The following TPO variants were observed in gnomAD, a reference collection of about 807,000 sequenced individuals.
TPO encodes the protein thyroid peroxidase, also known as thyroid microsomal antigen.
Under a neutral mutation model 96.9 loss-of-function variants are expected in TPO, and 78 were observed. The ratio of observed to expected loss-of-function variants is 0.81; its 90% CI spans 0.67 to 0.97. TPO has a LOEUF of 0.97. TPO is among the 50% of genes least tolerant of loss of function. The probability of loss-of-function intolerance (pLI) is 0.00; values close to 1 mark genes in which losing one functional copy is unlikely to be tolerated. For synonymous variants in TPO, 547 were observed against 538.0 expected, an observed-to-expected ratio of 1.02 and a Z score of -0.23; for missense variants, 1,252 against 1,274.8, an observed-to-expected ratio of 0.98 and a Z score of 0.27.
intron 2 of TPO, among the ~76,000 whole-genome samples, chr2:1,422,344 C>A (rs80060294): frequency 0.25 from 17,223 of 68,594 alleles, 1,552 homozygotes; most frequent in Admixed American, 0.34. Flanking sequence ...TCTCCTGGAC[C>A]GACCTCGTGC....
Position 1,484,772 on chromosome 2 carries a change from C to T in TPO, c.1515C>T (p.Asp505=), listed in dbSNP as rs146768724. Reference sequence around the variant, plus strand: ...TCCACCCGCTGGTGAGGAGGCTGGACGCCAGCTTCCAGGAGCACCCCGACC... The same window carrying T: ...TCCACCCGCTGGTGAGGAGGCTGGATGCCAGCTTCCAGGAGCACCCCGACC... ...ATIHPLVRRL[D]ASFQEHPDLP... is the part of the protein sequence containing the mutation. The change falls in exon 9 of 17, where the codon GAC becomes GAT. Residue 505 remains aspartate (D), a synonymous_variant. Transcript: ENST00000329066. The T allele has an allele frequency of 3.2e-4, 524 of 1,614,094 alleles. 1 individual carries two copies. The African/African-American group carries it at 3.8e-3, about 12-fold the overall frequency.
rs1281936173 is a variant in TPO, at chr2:1,509,227, T to G, written c.2518+5148T>G. On this transcript the variant is annotated intron_variant, in intron 14 of 16. Coordinates refer to ENST00000329066, the MANE Select transcript of TPO (RefSeq NM_001206744.2). ...GAGTTTCTGAATCCTGAGTTCTAGT[T>G]TGATTGCACTGTGGTCGGAGAGACG... Among the ~76,000 whole-genome samples the G allele has an allele frequency of 2.6e-5, 4 of 152,234 alleles. No homozygotes were observed. The East Asian group carries it at 7.7e-4, about 29-fold the overall frequency.
At chr2:1,518,544 C>T (rs185336121) in intron 15 of TPO, among the ~76,000 whole-genome samples, 13 of 152,342 alleles carry the variant, frequency 8.5e-5, no homozygotes, top group Admixed American at 6.5e-5. Context: ...TTCTGCAAGG[C>T]CTCTGACAAC....
intron 15 of TPO, among the ~76,000 whole-genome samples, chr2:1,527,485 AT>A (rs1185595220): frequency 4.2e-5 from 4 of 95,396 alleles, no homozygotes; most frequent in East Asian, 4.3e-4. Context: ...AAATCCCCCC[AT>A]CTGTGTGCGA....
chr2:1,425,749 AT>A (rs2148458576), intron 3 of TPO, among the ~76,000 whole-genome samples: 1 of 152,218 alleles, frequency 6.6e-6, no homozygotes, highest in Non-Finnish European at 1.5e-5. Context: ...CTGTAAAGTC[AT>A]TGTTCTAGAT....
chr2:1,409,680 G>A (rs1662298047), upstream of TPO, among the ~76,000 whole-genome samples: 1 of 152,066 alleles, frequency 6.6e-6, no homozygotes, highest in African/African-American at 2.4e-5. Context: ...ATCCAGTCCT[G>A]GCACTGTGCA....
intron 7 of TPO, among the ~76,000 whole-genome samples, chr2:1,476,486 C>T (rs1212373178): frequency 6.6e-6 from 1 of 152,246 alleles, no homozygotes; most frequent in African/African-American, 2.4e-5. Flanking sequence ...CTCCTCACTC[C>T]CCTCAAGCTG....
intron 1 of TPO, among the ~76,000 whole-genome samples, chr2:1,390,155 G>C (rs1414308488): frequency 7.7e-6 from 1 of 129,270 alleles, no homozygotes; most frequent in Non-Finnish European, 1.5e-5. Flanking sequence ...TTCTCCTAAT[G>C]CTATCCCCCC....
intron 13 of TPO, chr2:1,503,643 A>G (rs571154308): frequency 1.9e-6 from 1 of 526,116 alleles, no homozygotes; most frequent in African/African-American, 1.9e-5. Flanking sequence ...ACTTGGCCAA[A>G]TTCCACATTC....
At chr2:1,524,156 C>A (rs532817583) in intron 15 of TPO, among the ~76,000 whole-genome samples, 1 of 120,610 alleles carries the variant, frequency 8.3e-6, no homozygotes, top group African/African-American at 3.1e-5. Flanking sequence ...CTCCCAAAAT[C>A]CCCCAAACTG....
At chr2:1,483,511 C>T (rs188667424) in intron 8 of TPO, among the ~76,000 whole-genome samples, 8 of 152,316 alleles carry the variant, frequency 5.3e-5, no homozygotes, top group Admixed American at 1.3e-4. Context: ...CCTTCTCACG[C>T]GGTTAGGAGG....
intron 6 of TPO, 68 bp downstream of exon 6, chr2:1,453,891 C>T (rs1297780040): frequency 6.2e-7 from 1 of 1,608,596 alleles, no homozygotes; most frequent in Non-Finnish European, 8.5e-7. Flanking sequence ...AGGGAAATAG[C>T]CTTTTACTGG....
chr2:1,413,581 A>G lies in TPO; in HGVS notation c.-2+36A>G, dbSNP rs1424382734. On this transcript the variant is annotated intron_variant, in intron 1 of 16. Coordinates refer to ENST00000329066, the MANE Select transcript of TPO (RefSeq NM_001206744.2). The stretch of plus-strand genomic sequence containing the variant: ...AAAGCTTTTTATTTTTCCATTTTCT[A>G]AGAGAAATTCATCATTGGAACTTGT... 6.2e-6 allele frequency: 5 copies of G among 800,282 alleles called. No individual in the cohort carries two copies. The East Asian group carries it at 5.0e-4, about 81-fold the overall frequency. The allele number at this position is 800,282 out of a possible 1,614,324, so 49.6% of individuals were successfully genotyped here.
At position 1,496,225 on chromosome 2, in the gene TPO, G is replaced by C. The variant is rs28991289; in HGVS notation, c.2215+28G>C. On this transcript the variant is annotated intron_variant, in intron 12 of 16. Coordinates refer to ENST00000329066, the MANE Select transcript of TPO (RefSeq NM_001206744.2). ...GAAGTTCGGTCTCCTCTCACACCAC[G>C]TTACAGCACGTGCATCTCATCAAAC... 5.9e-4 allele frequency: 944 copies of C among 1,605,262 alleles called. 3 individuals carry two copies. In the African/African-American group the frequency reaches 0.01, roughly 18 times the overall value.
intron 15 of TPO, among the ~76,000 whole-genome samples, chr2:1,538,844 C>G (rs1680384446): frequency 6.6e-6 from 1 of 152,084 alleles, no homozygotes; most frequent in Non-Finnish European, 1.5e-5. Context: ...CTTTGCTCCC[C>G]CCGAAGGTTG....
At chr2:1,484,955 G>A (rs1172317228) in intron 9 of TPO, 101 bp downstream of exon 9, 13 of 1,545,156 alleles carry the variant, frequency 8.4e-6, no homozygotes, top group South Asian at 3.5e-5. Flanking sequence ...TGTGCACAAC[G>A]TGCAGGTTTG....
intron 8 of TPO, among the ~76,000 whole-genome samples, chr2:1,484,365 C>T (rs919868495): frequency 2.0e-5 from 3 of 152,194 alleles, no homozygotes; most frequent in Admixed American, 1.3e-4. Context: ...AGCCCCATCA[C>T]CATCCTGGGA....
At position 1,540,727 on chromosome 2, in the gene TPO, G is replaced by A. The variant is rs770267141; in HGVS notation, c.2748+4G>A. On this transcript the variant is annotated splice_donor_region_variant and intron_variant, in intron 16 of 16. Coordinates refer to ENST00000329066, the MANE Select transcript of TPO (RefSeq NM_001206744.2). ...CGCAGCTCAGGACTCGGAGCAGGTG[G>A]GCCACACCATGCCGCATGTTTCCAG... is the stretch of plus-strand genomic sequence containing the variant. The A allele has an allele frequency of 6.2e-7, 1 of 1,613,286 alleles. No homozygotes were observed. The highest frequency in any genetic ancestry group is 8.5e-7 in the Non-Finnish European group (1 of 1,180,026).
At chr2:1,460,214 G>A (rs1336989732) in intron 7 of TPO, among the ~76,000 whole-genome samples, 1 of 152,118 alleles carries the variant, frequency 6.6e-6, no homozygotes, top group South Asian at 2.1e-4. Flanking sequence ...GGGATTACAG[G>A]TATGAGCCAC....
Sources: allele counts gnomAD v4.1 joint callset (sites outside exome capture counted in the v4.1 genomes callset), GRCh38; gene constraint gnomAD v4.1.1; transcripts MANE v1.5; gene names NCBI Gene and HGNC (gene_info 2026-07-23, HGNC 2026-07-21).